The following CNTN5 variants were observed in gnomAD, a reference collection of about 807,000 sequenced individuals.
CNTN5 encodes the protein contactin-5.
In CNTN5, 77 loss-of-function variants were observed where a neutral mutation model predicts 129.1. The ratio of observed to expected loss-of-function variants is 0.60; its 90% CI spans 0.50 to 0.72. The LOEUF is 0.72. CNTN5 is among the 30% of genes least tolerant of loss of function. The pLI, the probability that CNTN5 is intolerant of heterozygous loss-of-function variation, is 0.00. For missense variants in CNTN5, 1,478 were observed against 1,328.8 expected (o/e 1.11, Z -1.75); for synonymous variants, 509 against 465.6 (o/e 1.09, Z -1.20).
chr11:99,633,742 A>G (rs1162834140), intron 3 of CNTN5, among the ~76,000 whole-genome samples: 2 of 152,188 alleles, frequency 1.3e-5, no homozygotes, highest in African/African-American at 4.8e-5. Flanking sequence ...GTGCAGCAAT[A>G]TTAGGGTTTA....
In CNTN5 at chr11:100,343,045, CAG is replaced by C. The variant is rs1952201074; in HGVS notation, c.3030+1842_3030+1843del. 5.9e-5 allele frequency among the ~76,000 whole-genome samples: 9 copies of C among 152,192 alleles called. 1 individual carries two copies. In the South Asian group the frequency reaches 1.9e-3, roughly 32 times the overall value. On this transcript the variant is annotated intron_variant, in intron 23 of 24. Coordinates refer to ENST00000524871, the MANE Select transcript of CNTN5 (RefSeq NM_014361.4). ...CATATAAAATGTTCTCATTAAAAAA[CAG>C]ATACCATTTCTTAGTGTTGTTGGAG...
intron 2 of CNTN5, among the ~76,000 whole-genome samples, chr11:99,398,662 C>T (rs781413809): frequency 6.6e-6 from 1 of 151,920 alleles, no homozygotes; most frequent in Non-Finnish European, 1.5e-5. Context: ...GAGATTCATC[C>T]ATGTCTGTTC....
rs182466802 is a variant in CNTN5 at position 100,292,824 on chromosome 11, C to T, written c.2315-4801C>T. On this transcript the variant is annotated intron_variant, in intron 18 of 24. Coordinates refer to ENST00000524871, the MANE Select transcript of CNTN5 (RefSeq NM_014361.4). ...GAGACTAGTTTTCTTCAGCCACTCT[C>T]AATTCAGCATCTGAGATTACATGTG... Among the ~76,000 whole-genome samples, 61 of 152,068 alleles carry T rather than the reference C, an allele frequency of 4.0e-4. No homozygotes were observed. The South Asian group carries it at 0.012, about 29-fold the overall frequency.
At chr11:100,078,434 ATTTG>A (rs1012958217) in intron 13 of CNTN5, among the ~76,000 whole-genome samples, 1 of 152,138 alleles carries the variant, frequency 6.6e-6, no homozygotes, top group Non-Finnish European at 1.5e-5. Context: ...ATTTGTTTAC[ATTTG>A]TTTGTTATTT....
At chr11:100,019,840 G>A (rs1445081726) in intron 9 of CNTN5, among the ~76,000 whole-genome samples, 2 of 151,776 alleles carry the variant, frequency 1.3e-5, no homozygotes, top group African/African-American at 2.4e-5. Context: ...CCACGTCCTC[G>A]CCAATACTTG....
At chr11:99,886,734 A>T (rs1948910827) in intron 6 of CNTN5, among the ~76,000 whole-genome samples, 1 of 152,228 alleles carries the variant, frequency 6.6e-6, no homozygotes, top group South Asian at 2.1e-4. Flanking sequence ...AAATATGTTA[A>T]TATGTTACAG....
At chr11:99,510,867 T>C (rs528520304) in intron 2 of CNTN5, among the ~76,000 whole-genome samples, 1 of 152,236 alleles carries the variant, frequency 6.6e-6, no homozygotes, top group Admixed American at 6.5e-5. Flanking sequence ...AAAACAGCCT[T>C]AGGCAAGTTC....
At chr11:99,977,164 G>T (rs986716806) in intron 8 of CNTN5, among the ~76,000 whole-genome samples, 6 of 152,154 alleles carry the variant, frequency 3.9e-5, no homozygotes, top group African/African-American at 1.4e-4. Context: ...TATAGCATGA[G>T]TTACCTTTGC....
At chr11:99,305,139 G>A (rs1864817309) in intron 1 of CNTN5, among the ~76,000 whole-genome samples, 1 of 152,166 alleles carries the variant, frequency 6.6e-6, no homozygotes, top group South Asian at 2.1e-4. Flanking sequence ...CTAGGAGCAA[G>A]CAAACTGTGT....
At chr11:99,703,227 GTT>G (rs34131042) in intron 3 of CNTN5, among the ~76,000 whole-genome samples, 2,537 of 121,698 alleles carry the variant, frequency 0.021, 52 homozygotes, top group African/African-American at 0.071. Context: ...GGTATTTGGG[GTT>G]TTTTTTTTTT....
intron 1 of CNTN5, among the ~76,000 whole-genome samples, chr11:99,296,857 C>T (rs977193289): frequency 2.6e-5 from 4 of 152,028 alleles, no homozygotes; most frequent in African/African-American, 9.7e-5. Flanking sequence ...TGAATTTTAC[C>T]AAAGGTAACC....
At chr11:100,036,770 GTC>G (rs1239551910) in intron 9 of CNTN5, among the ~76,000 whole-genome samples, 1 of 148,278 alleles carries the variant, frequency 6.7e-6, no homozygotes, top group African/African-American at 2.5e-5. Context: ...CTCTCTGTTT[GTC>G]TGTTATTGGT....
chr11:100,135,182 T>TG (rs1347343947), intron 13 of CNTN5, among the ~76,000 whole-genome samples: 1 of 150,568 alleles, frequency 6.6e-6, no homozygotes, highest in African/African-American at 2.4e-5. Context: ...AAGTGTTTTT[T>TG]TTTTTTTTTT....
chr11:100,040,196 C>T (rs1942287655), intron 9 of CNTN5, among the ~76,000 whole-genome samples: 1 of 152,122 alleles, frequency 6.6e-6, no homozygotes, highest in Non-Finnish European at 1.5e-5. Context: ...CAGACAGGAC[C>T]TTCAGCTGCA....
At chr11:99,056,299 G>A (rs555010563) in intron 1 of CNTN5, among the ~76,000 whole-genome samples, 1 of 151,944 alleles carries the variant, frequency 6.6e-6, no homozygotes, top group East Asian at 1.9e-4. Context: ...CTAAACAAAA[G>A]ATGTGTACTT....
intron 2 of CNTN5, among the ~76,000 whole-genome samples, chr11:99,463,363 G>A (rs1327210698): frequency 4.1e-5 from 6 of 146,772 alleles, no homozygotes; most frequent in African/African-American, 7.5e-5. Flanking sequence ...GCGTGAACCC[G>A]GGAGGCGGAG....
intron 13 of CNTN5, among the ~76,000 whole-genome samples, chr11:100,190,139 A>G (rs1948433160): frequency 6.6e-6 from 1 of 152,132 alleles, no homozygotes; most frequent in South Asian, 2.1e-4. Context: ...ATAGTTTAAT[A>G]TTATCATACT....
intron 4 of CNTN5, among the ~76,000 whole-genome samples, chr11:99,832,710 A>T (rs1015705738): frequency 6.6e-6 from 1 of 152,188 alleles, no homozygotes; most frequent in Non-Finnish European, 1.5e-5. Context: ...TATAATTTCT[A>T]GTTAACACTT....
At chr11:99,906,973 C>T (rs1339621713) in intron 6 of CNTN5, among the ~76,000 whole-genome samples, 1 of 151,958 alleles carries the variant, frequency 6.6e-6, no homozygotes. Context: ...TGGTGATATC[C>T]ACTTTGCCAT....
Sources: allele counts gnomAD v4.1 joint callset (sites outside exome capture counted in the v4.1 genomes callset), GRCh38; gene constraint gnomAD v4.1.1; transcripts MANE v1.5; gene names NCBI Gene and HGNC (gene_info 2026-07-23, HGNC 2026-07-21).